PTCSC3: variants seen among roughly 807,000 people sequenced by gnomAD.
PTCSC3 encodes papillary thyroid carcinoma susceptibility candidate 3.
chr14:36,157,299 A>T (rs1320834300), intron 2 of PTCSC3, among the ~76,000 whole-genome samples: 1 of 152,248 alleles, frequency 6.6e-6, no homozygotes, highest in Non-Finnish European at 1.5e-5. Context: ...CTGAATATTA[A>T]TCCTAAGTCA....
At chr14:36,168,675 G>A (rs1257740775) in intron 1 of PTCSC3, among the ~76,000 whole-genome samples, 1 of 152,042 alleles carries the variant, frequency 6.6e-6, no homozygotes, top group Non-Finnish European at 1.5e-5. Flanking sequence ...TAGTGCAGTG[G>A]CAGGATCATA....
At chr14:36,136,877 T>C (rs1168799392) in intron 3 of PTCSC3, among the ~76,000 whole-genome samples, 2 of 152,090 alleles carry the variant, frequency 1.3e-5, no homozygotes, top group Non-Finnish European at 2.9e-5. Flanking sequence ...TGGCTAGAAG[T>C]TTTTCATTTG....
At chr14:36,169,704 A>G (rs1882158860) in intron 1 of PTCSC3, among the ~76,000 whole-genome samples, 1 of 152,154 alleles carries the variant, frequency 6.6e-6, no homozygotes, top group South Asian at 2.1e-4. Flanking sequence ...ACAAAATGAG[A>G]AATGAAATAG....
intron 2 of PTCSC3, among the ~76,000 whole-genome samples, chr14:36,159,058 T>A (rs1452006096): frequency 7.2e-6 from 1 of 139,794 alleles, no homozygotes; most frequent in Non-Finnish European, 1.7e-5. Context: ...TTTAAAGTAT[T>A]CTCTGATGGT....
chr14:36,142,666 T>C (rs78101903), intron 3 of PTCSC3, among the ~76,000 whole-genome samples: 1 of 151,978 alleles, frequency 6.6e-6, no homozygotes, highest in African/African-American at 2.4e-5. Flanking sequence ...TTTTTTTTTT[T>C]ATTATTATAC....
At chr14:36,168,682 C>A (rs1325818977) in intron 1 of PTCSC3, among the ~76,000 whole-genome samples, 2 of 152,128 alleles carry the variant, frequency 1.3e-5, no homozygotes, top group Non-Finnish European at 2.9e-5. Flanking sequence ...GTGGCAGGAT[C>A]ATAGCTCACT....
At chr14:36,150,941 T>TTA (rs1555331111) in intron 3 of PTCSC3, among the ~76,000 whole-genome samples, 3 of 151,754 alleles carry the variant, frequency 2.0e-5, no homozygotes, top group Non-Finnish European at 4.4e-5. Flanking sequence ...GGTATTTTTT[T>TTA]AAAAAAACCT....
chr14:36,135,168 T>C (rs1881257878), downstream of PTCSC3, among the ~76,000 whole-genome samples: 1 of 152,178 alleles, frequency 6.6e-6, no homozygotes, highest in Admixed American at 6.5e-5. Context: ...GAAAGAAAAA[T>C]GGAAGTTTAC....
intron 1 of PTCSC3, among the ~76,000 whole-genome samples, chr14:36,169,203 A>G (rs1168620352): frequency 6.6e-6 from 1 of 152,130 alleles, no homozygotes. Flanking sequence ...GGACAAACAT[A>G]CTGCCTTAAA....
intron 3 of PTCSC3, among the ~76,000 whole-genome samples, chr14:36,138,266 G>A (rs186084184): frequency 6.6e-6 from 1 of 152,254 alleles, no homozygotes; most frequent in African/African-American, 2.4e-5. Flanking sequence ...ATGAGATAAA[G>A]CTTCTAGAGG....
chr14:36,174,246 G>A (rs138791788), intron 1 of PTCSC3, among the ~76,000 whole-genome samples: 23 of 152,088 alleles, frequency 1.5e-4, no homozygotes, highest in African/African-American at 5.1e-4. Context: ...TTATCTCCTT[G>A]AAACTCTGCT....
chr14:36,150,927 GA>G (rs1318322952), intron 3 of PTCSC3, among the ~76,000 whole-genome samples: 1 of 119,310 alleles, frequency 8.4e-6, no homozygotes, highest in East Asian at 2.2e-4. Flanking sequence ...ATATGAATAA[GA>G]AAGGTATTTT....
intron 2 of PTCSC3, among the ~76,000 whole-genome samples, chr14:36,156,917 G>T (rs1275163939): frequency 6.6e-6 from 1 of 152,106 alleles, no homozygotes; most frequent in African/African-American, 2.4e-5. Context: ...ATAATCCTTT[G>T]GGTATAAACC....
chr14:36,163,475 G>A (rs768665517), intron 1 of PTCSC3, among the ~76,000 whole-genome samples: 4 of 151,934 alleles, frequency 2.6e-5, no homozygotes, highest in Non-Finnish European at 5.9e-5. Flanking sequence ...AGGAAGGAGA[G>A]AGGGAGGGAG....
chr14:36,156,984 G>A (rs961748176), intron 2 of PTCSC3, among the ~76,000 whole-genome samples: 11 of 152,068 alleles, frequency 7.2e-5, no homozygotes, highest in South Asian at 2.1e-4. Flanking sequence ...TTGAGGAATC[G>A]CCACACTGTC....
chr14:36,136,738 A>C (rs887873145), intron 3 of PTCSC3, among the ~76,000 whole-genome samples: 1 of 152,244 alleles, frequency 6.6e-6, no homozygotes, highest in East Asian at 1.9e-4. Flanking sequence ...TGCAAATAAG[A>C]TATCATCAAA....
chr14:36,168,897 A>G (rs574751101), intron 1 of PTCSC3, among the ~76,000 whole-genome samples: 1 of 152,338 alleles, frequency 6.6e-6, no homozygotes, highest in African/African-American at 2.4e-5. Context: ...TTTGGATTAC[A>G]GGGATGAACC....
At chr14:36,138,367 C>G (rs1881335869) in intron 3 of PTCSC3, among the ~76,000 whole-genome samples, 1 of 152,198 alleles carries the variant, frequency 6.6e-6, no homozygotes, top group Admixed American at 6.5e-5. Flanking sequence ...AATTTCAAAA[C>G]TTCTACTCTT....
chr14:36,135,736 G>A (rs114724025), downstream of PTCSC3, among the ~76,000 whole-genome samples: 1 of 152,100 alleles, frequency 6.6e-6, no homozygotes, highest in African/African-American at 2.4e-5. Flanking sequence ...CTTTTATTAG[G>A]AAGTCTTTTA....
Sources: gnomAD v4.1 joint callset for allele counts (sites outside exome capture counted in the v4.1 genomes callset) on GRCh38, gnomAD v4.1.1 for gene constraint, MANE v1.5 for transcripts, NCBI Gene and HGNC (gene_info 2026-07-23, HGNC 2026-07-21) for gene names.